SGCD: variants seen among roughly 807,000 people sequenced by gnomAD.
SGCD encodes sarcoglycan delta, also known as delta-sarcoglycan.
Under a neutral mutation model 36.6 loss-of-function variants are expected in SGCD, and 18 were observed. That is an observed-to-expected ratio of 0.49 (90% CI 0.34 to 0.73). The LOEUF (loss-of-function observed/expected upper bound fraction) is 0.73, where lower values mean the gene tolerates loss of function less well. SGCD is among the 30% of genes least tolerant of loss of function. The pLI is 0.01. For missense variants in SGCD, 387 were observed against 346.7 expected, an observed-to-expected ratio of 1.12 and a Z score of -0.92; for synonymous variants, 133 against 130.6, an observed-to-expected ratio of 1.02 and a Z score of -0.12.
In SGCD at chr5:156,662,956, C is replaced by T. The variant is rs532415421; in HGVS notation, c.575+15420C>T. Among the ~76,000 whole-genome samples the T allele has an allele frequency of 4.0e-5, 6 of 150,446 alleles. 1 individual carries two copies. The East Asian group carries it at 7.7e-4, about 19-fold the overall frequency. On this transcript the variant is annotated intron_variant, in intron 7 of 8. Coordinates refer to ENST00000337851, the MANE Select transcript of SGCD (RefSeq NM_000337.6). Reference sequence around the variant, plus strand: ...AGTGGTATGGGTTTAGGAGGCTCTACAGTGACCGCCCCTAAAAAGGATACC... The same window carrying T: ...AGTGGTATGGGTTTAGGAGGCTCTATAGTGACCGCCCCTAAAAAGGATACC...
chr5:156,261,312 A>G (rs889312128), intron 3 of SGCD, among the ~76,000 whole-genome samples: 25 of 152,254 alleles, frequency 1.6e-4, no homozygotes, highest in Non-Finnish European at 1.5e-4. Flanking sequence ...ATTTTGGTGT[A>G]TGTTTTCCTG....
rs563128995 is a variant in SGCD at position 156,370,394 on chromosome 5, C to T, written c.192+25717C>T. On this transcript the variant is annotated intron_variant, in intron 3 of 8. Coordinates refer to ENST00000337851, the MANE Select transcript of SGCD (RefSeq NM_000337.6). ...CACATCACATCTTACCTGTCTCATC[C>T]TCTCAGGAGGCCAGGAAGTAAACAC... Among the ~76,000 whole-genome samples, 6 of 152,326 alleles carry T rather than the reference C, an allele frequency of 3.9e-5. No individual in the cohort carries two copies. In the South Asian group the frequency reaches 1.0e-3, roughly 26 times the overall value.
At chr5:156,026,474 T>C (rs971976588) in intron 1 of SGCD, among the ~76,000 whole-genome samples, 4 of 152,184 alleles carry the variant, frequency 2.6e-5, no homozygotes, top group African/African-American at 7.2e-5. Context: ...TTGGAACCAG[T>C]AGGGGACAAA....
intron 7 of SGCD, among the ~76,000 whole-genome samples, chr5:156,732,607 T>C (rs1254853623): frequency 6.6e-6 from 1 of 152,104 alleles, no homozygotes; most frequent in African/African-American, 2.4e-5. Context: ...TGATGCCTCA[T>C]AGAATGAGTT....
intron 1 of SGCD, among the ~76,000 whole-genome samples, chr5:156,099,837 G>C (rs1761476825): frequency 6.6e-6 from 1 of 152,034 alleles, no homozygotes; most frequent in South Asian, 2.1e-4. Flanking sequence ...AAGCCACTAA[G>C]TTTGTAGTAA....
At chr5:156,682,402 A>G (rs1228931472) in intron 7 of SGCD, among the ~76,000 whole-genome samples, 1 of 152,252 alleles carries the variant, frequency 6.6e-6, no homozygotes, top group Non-Finnish European at 1.5e-5. Context: ...AATAGGTTCT[A>G]ATGTGGACAA....
intron 1 of SGCD, among the ~76,000 whole-genome samples, chr5:155,974,471 G>C (rs1188032067): frequency 6.6e-6 from 1 of 151,826 alleles, no homozygotes; most frequent in African/African-American, 2.4e-5. Flanking sequence ...GTCCAGGAAG[G>C]GTATTCCCAC....
At chr5:156,494,420 G>C (rs1163608284) in intron 3 of SGCD, among the ~76,000 whole-genome samples, 1 of 148,120 alleles carries the variant, frequency 6.8e-6, no homozygotes, top group Non-Finnish European at 1.5e-5. Context: ...AAACAATAGT[G>C]TCTATGGATT....
intron 6 of SGCD, among the ~76,000 whole-genome samples, chr5:156,597,842 T>C (rs1760993621): frequency 6.6e-6 from 1 of 152,242 alleles, no homozygotes; most frequent in Non-Finnish European, 1.5e-5. Context: ...AAACACCTTG[T>C]GGGGTAGACA....
chr5:156,404,103 A>G (rs1772292847), intron 3 of SGCD, among the ~76,000 whole-genome samples: 1 of 152,124 alleles, frequency 6.6e-6, no homozygotes, highest in South Asian at 2.1e-4. Flanking sequence ...CCAGAGTGCT[A>G]GAATTACAGG....
chr5:155,855,771 C>G, the SGCD span, among the ~76,000 whole-genome samples: 1 of 152,048 alleles, frequency 6.6e-6, no homozygotes, highest in African/African-American at 2.4e-5. Flanking sequence ...AATCAACAGT[C>G]TTCTTGAGTT....
At chr5:155,835,364 G>A in the SGCD span, among the ~76,000 whole-genome samples, 1 of 152,084 alleles carries the variant, frequency 6.6e-6, no homozygotes, top group Non-Finnish European at 1.5e-5. Context: ...ATGACCCAAT[G>A]TGAAAAATGC....
intron 3 of SGCD, among the ~76,000 whole-genome samples, chr5:156,176,346 A>G (rs1357837478): frequency 6.6e-6 from 1 of 152,178 alleles, no homozygotes; most frequent in Admixed American, 6.6e-5. Context: ...TTCAAATAGC[A>G]ACGTACTATA....
chr5:155,806,130 C>T, the SGCD span, among the ~76,000 whole-genome samples: 1 of 152,108 alleles, frequency 6.6e-6, no homozygotes, highest in African/African-American at 2.4e-5. Flanking sequence ...AAAACAAACA[C>T]TATTCTGGAC....
chr5:156,381,112 T>C (rs17053504), intron 3 of SGCD, among the ~76,000 whole-genome samples: 1,954 of 152,230 alleles, frequency 0.013, 46 homozygotes, highest in African/African-American at 0.045. Context: ...GTTGGAGGTA[T>C]CAAAGGAAGC....
chr5:156,761,056 C>T lies in SGCD; in HGVS notation c.*1666C>T, dbSNP rs1251391095. On this transcript the variant is annotated 3_prime_UTR_variant, in exon 9 of 9. Coordinates refer to ENST00000337851, the MANE Select transcript of SGCD (RefSeq NM_000337.6). Reference sequence around the variant, plus strand: ...AAGTAGTATTTGTAGGCCTGGGTGGCATTTGGATTTTTCTTTTCCCTCAAC... The same window carrying T: ...AAGTAGTATTTGTAGGCCTGGGTGGTATTTGGATTTTTCTTTTCCCTCAAC... The T allele has an allele frequency of 6.6e-6, 1 of 152,166 alleles. No homozygotes were observed. Among genetic ancestry groups the T allele is most frequent in the Non-Finnish European group, 1.5e-5 (1 of 68,048 alleles). The allele number at this position is 152,166 out of a possible 1,614,324, so 9.4% of individuals were successfully genotyped here.
intron 3 of SGCD, among the ~76,000 whole-genome samples, chr5:156,404,044 A>G (rs560691982): frequency 5.3e-4 from 80 of 152,222 alleles, no homozygotes; most frequent in African/African-American, 1.7e-3. Context: ...CATGTTGGCC[A>G]GGCTGGTCTG....
At chr5:155,960,548 C>A (rs1467944227) in intron 1 of SGCD, among the ~76,000 whole-genome samples, 1 of 152,008 alleles carries the variant, frequency 6.6e-6, no homozygotes, top group African/African-American at 2.4e-5. Context: ...TTACCCTAAG[C>A]AATTGTTTTC....
intron 1 of SGCD, among the ~76,000 whole-genome samples, chr5:155,910,230 G>T (rs1277269779): frequency 6.6e-6 from 1 of 151,958 alleles, no homozygotes; most frequent in East Asian, 1.9e-4. Context: ...ACTATTTTAT[G>T]TGTTGACATT....
Sources: gnomAD v4.1 joint callset for allele counts (sites outside exome capture counted in the v4.1 genomes callset) on GRCh38, gnomAD v4.1.1 for gene constraint, MANE v1.5 for transcripts, NCBI Gene and HGNC (gene_info 2026-07-23, HGNC 2026-07-21) for gene names.